The following ABL2 variants were observed in gnomAD, a reference collection of about 807,000 sequenced individuals.
The protein encoded by ABL2 is ABL proto-oncogene 2, non-receptor tyrosine kinase, also known as tyrosine-protein kinase ABL2.
In ABL2, 49 loss-of-function variants were observed where a neutral mutation model predicts 107.7. The observed-to-expected ratio is 0.45, with a 90% CI of 0.36 to 0.58. The LOEUF is 0.58. ABL2 is among the 20% of genes least tolerant of loss of function. The pLI is 0.00. For synonymous variants in ABL2, 549 were observed against 548.6 expected (o/e 1.00, Z -0.01); for missense variants, 1,245 against 1,457.0 (o/e 0.85, Z 2.37).
intron 1 of ABL2, among the ~76,000 whole-genome samples, chr1:179,198,693 C>CAA (rs534990752): frequency 0.14 from 4,857 of 33,864 alleles, 309 homozygotes; most frequent in African/African-American, 0.16. Context: ...ACTCCATCTC[C>CAA]AAAAAAAAAA....
At chr1:179,211,790 C>CG (rs1443614434) in intron 1 of ABL2, among the ~76,000 whole-genome samples, 28 of 90,616 alleles carry the variant, frequency 3.1e-4, no homozygotes, top group East Asian at 1.0e-3. Flanking sequence ...GAATCCTTCT[C>CG]GAAAAAAAAA....
intron 1 of ABL2, among the ~76,000 whole-genome samples, chr1:179,156,435 T>C (rs1391984493): frequency 6.6e-6 from 1 of 152,256 alleles, no homozygotes; most frequent in Non-Finnish European, 1.5e-5. Context: ...TATAGTTTTG[T>C]TGTTGCTCAA....
chr1:179,153,174 A>C lies in ABL2; in HGVS notation c.158-19800T>G, dbSNP rs182106115. Among the ~76,000 whole-genome samples the C allele has an allele frequency of 5.3e-5, 8 of 152,266 alleles. No homozygotes were observed. The East Asian group carries it at 1.4e-3, about 26-fold the overall frequency. ...AATACTTTCTAAACCAAAATAATACATTTCTGGATGGTGCCGGATAACAGA... is the reference window on the plus strand; with the variant it reads ...AATACTTTCTAAACCAAAATAATACCTTTCTGGATGGTGCCGGATAACAGA... On this transcript the variant is annotated intron_variant, in intron 1 of 11. Transcript: ENST00000502732.
chr1:179,229,383 C>T lies in ABL2; in HGVS notation c.15G>A (p.Val5=). 3 of 1,557,008 alleles carry T rather than the reference C, an allele frequency of 1.9e-6. No homozygotes were observed. Among genetic ancestry groups the T allele is most frequent in the African/African-American group, 1.4e-5 (1 of 71,366 alleles). The change falls in exon 1 of 12, where the codon GTG becomes GTA. Residue 5 remains valine (V), a synonymous_variant. Coordinates refer to ENST00000502732, the MANE Select transcript of ABL2 (RefSeq NM_007314.4). ...GCCCCGGAGCTTCCCCGACGCGGCC[C>T]ACCTGCTGCCCCATCCCTGCTCTCG... MGQQ[V]GRVGEAPGLQ... is the part of the protein sequence containing the mutation.
chr1:179,218,109 T>C (rs144968614), intron 1 of ABL2, among the ~76,000 whole-genome samples: 1 of 152,204 alleles, frequency 6.6e-6, no homozygotes, highest in African/African-American at 2.4e-5. Context: ...CATTACCCAA[T>C]TCTTCCAGGA....
chr1:179,108,195 C>T lies in ABL2; in HGVS notation c.3072G>A (p.Lys1024=), dbSNP rs765693955. 6.2e-7 allele frequency: 1 copy of T among 1,614,122 alleles called. No homozygotes were observed. Among genetic ancestry groups the T allele is most frequent in the Non-Finnish European group, 8.5e-7 (1 of 1,180,034 alleles). The stretch of plus-strand genomic sequence containing the variant: ...TGATGGGCACTGCGCCCAGAGCTGC[C>T]TTCTTTCCTCCTTCCTGTGTTTCTG... ...STSETQEGGK[K]AALGAVPISG... Residue 1024 remains lysine (K), a synonymous_variant, in exon 12 of 12, where the codon AAG becomes AAA. Coordinates refer to ENST00000502732, the MANE Select transcript of ABL2 (RefSeq NM_007314.4).
chr1:179,127,878 A>C (rs1252497096), intron 3 of ABL2, among the ~76,000 whole-genome samples: 1 of 152,018 alleles, frequency 6.6e-6, no homozygotes, highest in East Asian at 1.9e-4. Flanking sequence ...CCAAAAATAC[A>C]AAAAATTAGC....
chr1:179,110,555 T>C, intron 10 of ABL2, 100 bp from the exon 11 acceptor site: 2 of 1,520,358 alleles, frequency 1.3e-6, no homozygotes, highest in Admixed American at 2.4e-5. Context: ...AACTGGCAAG[T>C]AGAGTACTAA....
At chr1:179,209,164 C>T (rs1398823438) in intron 1 of ABL2, among the ~76,000 whole-genome samples, 1 of 152,202 alleles carries the variant, frequency 6.6e-6, no homozygotes, top group Admixed American at 6.5e-5. Context: ...AGAATTATCT[C>T]ATCTTCTTCT....
intron 1 of ABL2, among the ~76,000 whole-genome samples, chr1:179,134,710 G>GCCTCTC (rs145333468): frequency 1.4e-3 from 206 of 151,200 alleles, no homozygotes; most frequent in South Asian, 2.7e-3. Flanking sequence ...TGCAGCCTCA[G>GCCTCTC]CCTCTCCCTC....
intron 9 of ABL2, among the ~76,000 whole-genome samples, chr1:179,114,569 C>T (rs953993242): frequency 6.6e-6 from 1 of 152,116 alleles, no homozygotes; most frequent in Non-Finnish European, 1.5e-5. Context: ...TAGTCTTTAG[C>T]AATCATTTTT....
At chr1:179,227,687 T>C (rs1470779912) in intron 1 of ABL2, among the ~76,000 whole-genome samples, 2 of 152,188 alleles carry the variant, frequency 1.3e-5, no homozygotes, top group Admixed American at 1.3e-4. Flanking sequence ...GTGATTTTAA[T>C]AAAGATTAGC....
Position 179,103,993 on chromosome 1 carries a change from C to T in ABL2, c.*3725G>A, listed in dbSNP as rs1413760546. On this transcript the variant is annotated 3_prime_UTR_variant, in exon 12 of 12. Transcript: ENST00000502732. The stretch of plus-strand genomic sequence containing the variant: ...ACTGGAGAATACACTGGCCGAGACC[C>T]CAGCCCACTGGGAATTCTGATCTGG... The T allele has an allele frequency of 4.3e-6, 1 of 233,410 alleles. No homozygotes were observed. The highest frequency in any genetic ancestry group is 2.2e-5 in the African/African-American group (1 of 45,324). The allele number at this position is 233,410 out of a possible 1,614,324, so 14.5% of individuals were successfully genotyped here. A position where few individuals can be genotyped will look rare whatever the true frequency, so the allele number is the denominator to read the frequency against.
At chr1:179,187,713 G>A (rs1376453212) in intron 1 of ABL2, among the ~76,000 whole-genome samples, 1 of 151,974 alleles carries the variant, frequency 6.6e-6, no homozygotes, top group African/African-American at 2.4e-5. Flanking sequence ...ATTCCTCAAG[G>A]GGTAAAAGTC....
At chr1:179,172,329 T>A (rs571611979) in intron 1 of ABL2, among the ~76,000 whole-genome samples, 1 of 152,322 alleles carries the variant, frequency 6.6e-6, no homozygotes, top group African/African-American at 2.4e-5. Flanking sequence ...CCACTCTCTG[T>A]ATATACACAT....
At chr1:179,140,235 A>T (rs1157127996) in intron 1 of ABL2, among the ~76,000 whole-genome samples, 1 of 152,134 alleles carries the variant, frequency 6.6e-6, no homozygotes, top group Non-Finnish European at 1.5e-5. Context: ...CATCAATGCT[A>T]TTGCTTGAAC....
chr1:179,130,726 T>TTTTTGTG (rs1553220073), intron 3 of ABL2, among the ~76,000 whole-genome samples: 5 of 142,722 alleles, frequency 3.5e-5, no homozygotes, highest in African/African-American at 1.3e-4. Flanking sequence ...ATTATTGATT[T>TTTTTGTG]TGTGTGTGTG....
Position 179,126,282 on chromosome 1 carries a change from C to G in ABL2, c.687+95G>C. ...AGCTAGTGAATATTTTATTTCACGTCAGACATAAAATCTATTATTTCACTT... is the reference window on the plus strand; with the variant it reads ...AGCTAGTGAATATTTTATTTCACGTGAGACATAAAATCTATTATTTCACTT... On this transcript the variant is annotated intron_variant, in intron 4 of 11. Coordinates refer to ENST00000502732, the MANE Select transcript of ABL2 (RefSeq NM_007314.4). This position sits in a 1 kb window ranked among gnomAD's most constrained non-coding sequence, Gnocchi z 4.4. 1 of 1,365,214 alleles carries G rather than the reference C, an allele frequency of 7.3e-7. No individual in the cohort carries two copies. The highest frequency in any genetic ancestry group is 1.4e-5 in the South Asian group (1 of 69,826). The allele number at this position is 1,365,214 out of a possible 1,614,324, so 84.6% of individuals were successfully genotyped here.
At chr1:179,186,524 G>A (rs1179857031) in intron 1 of ABL2, among the ~76,000 whole-genome samples, 4 of 151,550 alleles carry the variant, frequency 2.6e-5, no homozygotes, top group African/African-American at 7.3e-5. Context: ...GATTACAGGC[G>A]CCCACCACCA....
Sources: allele counts gnomAD v4.1 joint callset (sites outside exome capture counted in the v4.1 genomes callset), GRCh38; gene constraint gnomAD v4.1.1; non-coding constraint Gnocchi (gnomAD v3.1); transcripts MANE v1.5; gene names NCBI Gene and HGNC (gene_info 2026-07-23, HGNC 2026-07-21).